Variants in DHX38 observed in about 807,000 individuals in gnomAD.
DHX38 encodes the protein DEAH-box helicase 38.
DHX38 carries 100 observed loss-of-function variants against 153.1 expected under a neutral mutation model. The ratio of observed to expected loss-of-function variants is 0.65; its 90% CI spans 0.56 to 0.77. The LOEUF (loss-of-function observed/expected upper bound fraction) is 0.77, where lower values mean the gene tolerates loss of function less well. Ranked by LOEUF, DHX38 falls within the 30% of genes least tolerant of loss-of-function variation. The probability of loss-of-function intolerance (pLI) is 0.00; values close to 1 mark genes in which losing one functional copy is unlikely to be tolerated. For synonymous variants in DHX38, 650 were observed against 631.7 expected (o/e 1.03, Z -0.43); for missense variants, 1,440 against 1,654.0 (o/e 0.87, Z 2.24).
At chr16:72,108,150 T>C in intron 21 of DHX38, 77 bp from the exon 22 acceptor site, 1 of 1,512,744 alleles carries the variant, frequency 6.6e-7, no homozygotes, top group Non-Finnish European at 9.0e-7. Context: ...TAGGTGGTAG[T>C]GTTAGAACCT....
chr16:72,101,016 G>C lies in DHX38; in HGVS notation c.1279-70G>C. 2.1e-6 allele frequency: 3 copies of C among 1,455,784 alleles called. No homozygotes were observed. In the South Asian group the frequency reaches 3.4e-5, roughly 17 times the overall value. 90.2% of individuals were successfully genotyped at this position (1,455,784 alleles called of 1,614,324 possible). On this transcript the variant is annotated intron_variant, in intron 9 of 26. Coordinates refer to ENST00000268482, the MANE Select transcript of DHX38 (RefSeq NM_014003.4). ...GAGAGGGTAGCAGTCCCTTTCACAA[G>C]TAGGGATCTTATGAACATGGCCTTC...
At chr16:72,105,914 T>C (rs2042169248) in intron 18 of DHX38, 91 bp from the exon 19 acceptor site, 1 of 1,201,932 alleles carries the variant, frequency 8.3e-7, no homozygotes, top group Non-Finnish European at 1.2e-6. Context: ...TCCTCTGCCA[T>C]GTGTAGCAAC....
rs372499899 is a variant in DHX38 at position 72,096,153 on chromosome 16, C to T, written c.-5C>T. On this transcript the variant is annotated 5_prime_UTR_variant, in exon 2 of 27. Coordinates refer to ENST00000268482, the MANE Select transcript of DHX38 (RefSeq NM_014003.4). ...CTTCCTTCCAGAGAAATCCCAGATC[C>T]TGTGATGGGGGACACCAGTGAGGAT... is the stretch of plus-strand genomic sequence containing the variant. 85 of 1,590,428 alleles carry T rather than the reference C, an allele frequency of 5.3e-5. 1 individual carries two copies. Among genetic ancestry groups the T allele is most frequent in the South Asian group, 3.9e-4 (35 of 89,234 alleles).
chr16:72,097,368 C>T (rs2042035802), intron 3 of DHX38: 4 of 415,152 alleles, frequency 9.6e-6, no homozygotes, highest in Admixed American at 7.3e-5. Context: ...TGTCCTTGCT[C>T]AGTATTAAGT....
Position 72,104,330 on chromosome 16 carries a change from G to C in DHX38, c.2011-156G>C. On this transcript the variant is annotated intron_variant, in intron 14 of 26. Transcript: ENST00000268482. The surrounding 1 kb of genome is among the most constrained non-coding windows in gnomAD (Gnocchi z 4.5). The stretch of plus-strand genomic sequence containing the variant: ...AGGGTGGCTTGGGGTTTTCTGGGCA[G>C]TGGCTCCATTGCTTCAGTCTTCATG... 1.6e-6 allele frequency: 2 copies of C among 1,227,278 alleles called. No individual in the cohort carries two copies. The highest frequency in any genetic ancestry group is 1.1e-6 in the Non-Finnish European group (1 of 900,642). 76.0% of individuals were successfully genotyped at this position (1,227,278 alleles called of 1,614,324 possible).
chr16:72,095,246 G>A (rs778300073), intron 1 of DHX38, among the ~76,000 whole-genome samples: 1 of 152,250 alleles, frequency 6.6e-6, no homozygotes, highest in Non-Finnish European at 1.5e-5. Context: ...CAGAAGTCTT[G>A]TAGCCACTTA....
chr16:72,094,660 T>A (rs1389077130), intron 1 of DHX38, among the ~76,000 whole-genome samples: 1 of 152,256 alleles, frequency 6.6e-6, no homozygotes, highest in East Asian at 1.9e-4. Context: ...CAGCAGCTAA[T>A]GAAGTTCTCT....
chr16:72,103,043 G>A, intron 11 of DHX38, 31 bp from the exon 12 acceptor site: 1 of 1,611,666 alleles, frequency 6.2e-7, no homozygotes, highest in Non-Finnish European at 8.5e-7. Context: ...GGGGCACCAT[G>A]CAGGGTGTTT....
At position 72,108,855 on chromosome 16, in the gene DHX38, C is replaced by A; in HGVS notation, c.3311C>A (p.Thr1104Asn). Residue 1104 changes from threonine to asparagine, a missense_variant, in exon 24 of 27, where the codon ACC (threonine) becomes AAC (asparagine). Transcript: ENST00000268482. ...RTGMPCHLHP[T>N]SSLFGMGYTP... ...GGGATGCCCTGCCACTTGCACCCCACCAGCTCCCTTTTTGGAATGGGCTAC... is the reference window on the plus strand; with the variant it reads ...GGGATGCCCTGCCACTTGCACCCCAACAGCTCCCTTTTTGGAATGGGCTAC... 6.2e-7 allele frequency: 1 copy of A among 1,614,108 alleles called. No homozygotes were observed. Among genetic ancestry groups the A allele is most frequent in the Non-Finnish European group, 8.5e-7 (1 of 1,180,014 alleles).
At chr16:72,100,878 G>C (rs1412150932) in intron 9 of DHX38, among the ~76,000 whole-genome samples, 1 of 152,176 alleles carries the variant, frequency 6.6e-6, no homozygotes, top group Non-Finnish European at 1.5e-5. Flanking sequence ...AGTGAGCAGA[G>C]ATCACACCAC....
chr16:72,108,178 G>A, intron 21 of DHX38, 49 bp from the exon 22 acceptor site: 1 of 1,602,944 alleles, frequency 6.2e-7, no homozygotes, highest in East Asian at 2.2e-5. Flanking sequence ...GTGCTCAGTG[G>A]GCCTGGACCC....
intron 4 of DHX38, 145 bp downstream of exon 4, chr16:72,097,926 C>T (rs1397934700): frequency 3.8e-5 from 30 of 790,820 alleles, no homozygotes; most frequent in Non-Finnish European, 5.6e-5. Context: ...GGTTCTGAGT[C>T]AGGTGGGCAC....
At position 72,112,632 on chromosome 16, in the gene DHX38, C is replaced by G; in HGVS notation, c.*135C>G. 1 of 925,048 alleles carries G rather than the reference C, an allele frequency of 1.1e-6. No homozygotes were observed. The highest frequency in any genetic ancestry group is 1.7e-6 in the Non-Finnish European group (1 of 587,142). The allele number at this position is 925,048 out of a possible 1,614,324, so 57.3% of individuals were successfully genotyped here. A position where few individuals can be genotyped will look rare whatever the true frequency, so the allele number is the denominator to read the frequency against. On this transcript the variant is annotated 3_prime_UTR_variant, in exon 27 of 27. Coordinates refer to ENST00000268482, the MANE Select transcript of DHX38 (RefSeq NM_014003.4). Reference sequence around the variant, plus strand: ...CATATCACGGCCCCCCAGGGCAGTTCCTGCTGGACCAGACTCTCTGGCAGA... The same window carrying G: ...CATATCACGGCCCCCCAGGGCAGTTGCTGCTGGACCAGACTCTCTGGCAGA...
Position 72,099,055 on chromosome 16 carries a change from G to C in DHX38, c.883+10G>C. The C allele has an allele frequency of 6.2e-7, 1 of 1,612,298 alleles. No individual in the cohort carries two copies. ...CTGTCCAGGGGCCGAGGTGAGGCCT[G>C]TGGGGCAGCAGGCAGAAGAGCAGGC... On this transcript the variant is annotated intron_variant, in intron 6 of 26. Coordinates refer to ENST00000268482, the MANE Select transcript of DHX38 (RefSeq NM_014003.4).
At chr16:72,105,936 T>C (rs2042169472) in intron 18 of DHX38, 69 bp from the exon 19 acceptor site, 2 of 1,469,274 alleles carry the variant, frequency 1.4e-6, no homozygotes, top group Non-Finnish European at 9.5e-7. Context: ...AGGGCTTGCC[T>C]TTGTCTCAGG....
At chr16:72,100,362 G>A (rs143787572) in intron 8 of DHX38, 74 bp from the exon 9 acceptor site, 2 of 1,541,406 alleles carry the variant, frequency 1.3e-6, no homozygotes, top group South Asian at 2.5e-5. Flanking sequence ...CTTGATGTGT[G>A]GACTTACCTC....
Position 72,108,494 on chromosome 16 carries a change from C to G in DHX38, c.3142C>G (p.Leu1048Val). 2 of 1,614,178 alleles carry G rather than the reference C, an allele frequency of 1.2e-6. No homozygotes were observed. Among genetic ancestry groups the G allele is most frequent in the Non-Finnish European group, 1.7e-6 (2 of 1,180,030 alleles). Residue 1048 changes from leucine (L) to valine (V), a missense_variant, in exon 23 of 27, where the codon CTC becomes GTC. Around this residue, in one of 6 missense-constraint regions of DHX38, gnomAD observed 543 missense variants for 717.9 expected, o/e 0.76. Coordinates refer to ENST00000268482, the MANE Select transcript of DHX38 (RefSeq NM_014003.4). ...MRKVREVRAQ[L>V]KDIMVQQRMS... ...CTAGGTCCGGGAGGTGCGAGCTCAA[C>G]TCAAGGACATCATGGTGCAGCAGCG...
At position 72,104,387 on chromosome 16, in the gene DHX38, G is replaced by A; in HGVS notation, c.2011-99G>A. 3.3e-6 allele frequency: 5 copies of A among 1,515,356 alleles called. No homozygotes were observed. Among genetic ancestry groups the A allele is most frequent in the Middle Eastern group, 2.4e-4 (1 of 4,202 alleles). 93.9% of individuals were successfully genotyped at this position (1,515,356 alleles called of 1,614,324 possible). ...AAGAATTGAATAGGCCCATTTGTCA[G>A]CTTTGGCTTGTGTTTCCTCGGGGGT... On this transcript the variant is annotated intron_variant, in intron 14 of 26. Transcript: ENST00000268482. The surrounding 1 kb of genome is among the most constrained non-coding windows in gnomAD (Gnocchi z 4.5).
At chr16:72,101,710 T>C in intron 11 of DHX38, 98 bp downstream of exon 11, 9 of 902,424 alleles carry the variant, frequency 1.0e-5, no homozygotes, top group Non-Finnish European at 1.6e-5. Flanking sequence ...GGCTCCTGAG[T>C]GGGAGACTCT....
Sources: allele counts gnomAD v4.1 joint callset (sites outside exome capture counted in the v4.1 genomes callset), GRCh38; gene constraint gnomAD v4.1.1; regional missense constraint gnomAD v4.1.1; non-coding constraint Gnocchi (gnomAD v3.1); transcripts MANE v1.5; gene names NCBI Gene and HGNC (gene_info 2026-07-23, HGNC 2026-07-21).